ABCB5: variants seen among roughly 807,000 people sequenced by gnomAD.
ABCB5 encodes the protein ATP binding cassette subfamily B member 5.
Under a neutral mutation model 144.2 loss-of-function variants are expected in ABCB5, and 155 were observed. That is an observed-to-expected ratio of 1.08 (90% CI 0.94 to 1.23). ABCB5 has a LOEUF of 1.23. ABCB5 is among the 50% of genes most tolerant of loss of function. ABCB5 has a pLI of 0.00. For synonymous variants in ABCB5, 610 were observed against 528.6 expected, an observed-to-expected ratio of 1.15 and a Z score of -2.11; for missense variants, 1,830 against 1,520.8, an observed-to-expected ratio of 1.20 and a Z score of -3.38.
intron 26 of ABCB5, among the ~76,000 whole-genome samples, chr7:20,751,509 A>G (rs1782930237): frequency 1.3e-5 from 2 of 152,168 alleles, no homozygotes; most frequent in South Asian, 4.1e-4. Flanking sequence ...AAATTAAAAA[A>G]CCTTCATCCA....
chr7:20,712,192 A>G (rs1489151305), intron 20 of ABCB5, among the ~76,000 whole-genome samples: 1 of 103,194 alleles, frequency 9.7e-6, no homozygotes, highest in African/African-American at 3.8e-5. Context: ...AGATATTGAG[A>G]TATTGCTCTA....
Position 20,658,631 on chromosome 7 carries a change from C to G in ABCB5, c.1662C>G (p.Ala554=), listed in dbSNP as rs756101695. 6.2e-7 allele frequency: 1 copy of G among 1,614,072 alleles called. No individual in the cohort carries two copies. Among genetic ancestry groups the G allele is most frequent in the South Asian group, 1.1e-5 (1 of 91,074 alleles). ...KILILDEATS[A]LDSESKSAVQ... is the part of the protein sequence containing the mutation. ...TGATTTTAGATGAGGCTACGTCTGC[C>G]CTGGATTCAGAAAGCAAGTCAGCTG... The change falls in exon 14 of 28, where the codon GCC becomes GCG. Residue 554 remains alanine (A), a synonymous_variant. Coordinates refer to ENST00000404938, the MANE Select transcript of ABCB5 (RefSeq NM_001163941.2).
chr7:20,659,264 C>T, intron 14 of ABCB5: 2 of 1,495,430 alleles, frequency 1.3e-6, no homozygotes, highest in East Asian at 2.3e-5. Flanking sequence ...GGGGAGTTGG[C>T]AGTGGCGGTA....
intron 11 of ABCB5, among the ~76,000 whole-genome samples, chr7:20,648,398 C>CA (rs1784478625): frequency 1.3e-5 from 2 of 152,318 alleles, no homozygotes; most frequent in South Asian, 4.1e-4. Context: ...CCCCACTCAA[C>CA]ATACTCATTT....
intron 2 of ABCB5, among the ~76,000 whole-genome samples, chr7:20,625,994 A>T (rs1320965629): frequency 1.3e-5 from 2 of 152,250 alleles, no homozygotes; most frequent in African/African-American, 2.4e-5. Flanking sequence ...TGGATGAAAC[A>T]TGAAGACTTT....
At chr7:20,721,083 A>G (rs1781852691) in intron 20 of ABCB5, among the ~76,000 whole-genome samples, 1 of 152,196 alleles carries the variant, frequency 6.6e-6, no homozygotes, top group African/African-American at 2.4e-5. Context: ...GACAACTGAT[A>G]AAACTTGAAG....
At chr7:20,689,008 C>T (rs1182314354) in intron 16 of ABCB5, among the ~76,000 whole-genome samples, 1 of 151,808 alleles carries the variant, frequency 6.6e-6, no homozygotes, top group Non-Finnish European at 1.5e-5. Context: ...AGGAGATATA[C>T]CTAAGGTAAA....
intron 26 of ABCB5, 64 bp downstream of exon 26, chr7:20,745,502 C>T (rs1782691855): frequency 7.0e-7 from 1 of 1,437,806 alleles, no homozygotes; most frequent in East Asian, 2.3e-5. Context: ...GCTACTGGGC[C>T]TATGCAGTTG....
At chr7:20,629,785 G>GA (rs1562528418) in intron 4 of ABCB5, among the ~76,000 whole-genome samples, 14 of 151,732 alleles carry the variant, frequency 9.2e-5, no homozygotes, top group South Asian at 4.2e-4. Flanking sequence ...GAAGGAGAAG[G>GA]AGAAGAAGAA....
Position 20,718,058 on chromosome 7 carries a change from C to T in ABCB5, c.2422-4958C>T, listed in dbSNP as rs560474376. Among the ~76,000 whole-genome samples, 265 of 149,670 alleles carry T rather than the reference C, an allele frequency of 1.8e-3. 1 individual carries two copies. Among genetic ancestry groups the T allele is most frequent in the African/African-American group, 6.4e-3 (258 of 40,438 alleles). ...CTGGGACTACAGGCGCCCGCCACCA[C>T]GCCTGGCTAATTTTTTTGTGGTTTT... On this transcript the variant is annotated intron_variant, in intron 20 of 27. Transcript: ENST00000404938.
At chr7:20,687,492 G>A (rs1219411263) in intron 16 of ABCB5, among the ~76,000 whole-genome samples, 1 of 152,354 alleles carries the variant, frequency 6.6e-6, no homozygotes, top group Non-Finnish European at 1.5e-5. Flanking sequence ...AAAGTGGTGA[G>A]CTGGACAATA....
chr7:20,731,369 A>AAAAAAAAATATAT (rs57305244), intron 23 of ABCB5, among the ~76,000 whole-genome samples: 1 of 123,104 alleles, frequency 8.1e-6, no homozygotes, highest in African/African-American at 3.3e-5. Context: ...AAAAAAAAAA[A>AAAAAAAAATATAT]ATATATATAT....
intron 14 of ABCB5, among the ~76,000 whole-genome samples, chr7:20,660,574 C>G (rs997531241): frequency 3.3e-5 from 5 of 152,102 alleles, no homozygotes; most frequent in Admixed American, 3.3e-4. Flanking sequence ...CCATGACAGC[C>G]CTCTCCTCTC....
At chr7:20,645,132 G>C (rs189905003) in intron 7 of ABCB5, among the ~76,000 whole-genome samples, 2 of 152,226 alleles carry the variant, frequency 1.3e-5, no homozygotes, top group Non-Finnish European at 2.9e-5. Context: ...CAAAGGATGC[G>C]ATACCAGAGT....
At chr7:20,740,176 G>A in intron 24 of ABCB5, among the ~76,000 whole-genome samples, 1 of 152,158 alleles carries the variant, frequency 6.6e-6, no homozygotes, top group East Asian at 1.9e-4. Context: ...GGAGGCGGAG[G>A]TTGCAGTGAG....
At chr7:20,619,123 G>T (rs984718821) in intron 1 of ABCB5, among the ~76,000 whole-genome samples, 2 of 152,100 alleles carry the variant, frequency 1.3e-5, no homozygotes, top group African/African-American at 4.8e-5. Context: ...CACCCAGGTT[G>T]CTTCCATGTG....
chr7:20,732,310 C>T (rs879296972), intron 23 of ABCB5, among the ~76,000 whole-genome samples: 10 of 152,180 alleles, frequency 6.6e-5, no homozygotes, highest in Admixed American at 6.5e-4. Flanking sequence ...AAGTAGTTCC[C>T]CTAACCCTCC....
At chr7:20,689,042 A>G (rs1786113980) in intron 16 of ABCB5, among the ~76,000 whole-genome samples, 1 of 152,164 alleles carries the variant, frequency 6.6e-6, no homozygotes, top group Non-Finnish European at 1.5e-5. Flanking sequence ...GGTACAGCAC[A>G]CCAACATGGC....
chr7:20,720,615 G>A (rs191981488), intron 20 of ABCB5, among the ~76,000 whole-genome samples: 158 of 152,120 alleles, frequency 1.0e-3, no homozygotes, highest in African/African-American at 5.5e-4. Flanking sequence ...TATCTGGCTC[G>A]CGATCTTCAA....
Sources: gnomAD v4.1 joint callset for allele counts (sites outside exome capture counted in the v4.1 genomes callset) on GRCh38, gnomAD v4.1.1 for gene constraint, MANE v1.5 for transcripts, NCBI Gene and HGNC (gene_info 2026-07-23, HGNC 2026-07-21) for gene names.